ATXN2: variants seen among roughly 807,000 people sequenced by gnomAD.
ATXN2 encodes the protein ataxin-2.
A neutral mutation model predicts 138.6 loss-of-function variants in ATXN2; 37 were observed. The ratio of observed to expected loss-of-function variants is 0.27; its 90% CI spans 0.21 to 0.35. The LOEUF (loss-of-function observed/expected upper bound fraction) is 0.35, where lower values mean the gene tolerates loss of function less well. ATXN2 is among the 10% of genes least tolerant of loss of function. The pLI, the probability that ATXN2 is intolerant of heterozygous loss-of-function variation, is 1.00. For synonymous variants in ATXN2, 549 were observed against 543.7 expected, an observed-to-expected ratio of 1.01 and a Z score of -0.13; for missense variants, 1,216 against 1,480.3, an observed-to-expected ratio of 0.82 and a Z score of 2.93.
chr12:111,553,952 C>T (rs992954244), intron 3 of ATXN2, among the ~76,000 whole-genome samples: 2 of 151,924 alleles, frequency 1.3e-5, no homozygotes, highest in Non-Finnish European at 2.9e-5. Context: ...GAATATGGAA[C>T]CCACAGATGC....
intron 1 of ATXN2, among the ~76,000 whole-genome samples, chr12:111,563,885 T>C (rs186603286): frequency 1.3e-5 from 2 of 152,194 alleles, no homozygotes; most frequent in Non-Finnish European, 2.9e-5. Context: ...AAATATACGA[T>C]GCTGTTTTCA....
intron 5 of ATXN2, among the ~76,000 whole-genome samples, chr12:111,527,628 C>A: frequency 6.6e-6 from 1 of 152,330 alleles, no homozygotes. Context: ...AGCAGCACTA[C>A]TCCCATTGCT....
chr12:111,527,910 C>T (rs1388556657), intron 5 of ATXN2, among the ~76,000 whole-genome samples: 1 of 152,110 alleles, frequency 6.6e-6, no homozygotes, highest in Non-Finnish European at 1.5e-5. Flanking sequence ...ATTAATTTAG[C>T]CATGTGTATT....
chr12:111,513,684 AC>A (rs1414539887), intron 10 of ATXN2, 145 bp from the exon 11 acceptor site: 3 of 645,082 alleles, frequency 4.7e-6, no homozygotes, highest in Non-Finnish European at 6.8e-6. Flanking sequence ...AAAAAAAAAA[AC>A]ACCATACATA....
chr12:111,593,053 T>C (rs1236110052), intron 1 of ATXN2, among the ~76,000 whole-genome samples: 1 of 151,938 alleles, frequency 6.6e-6, no homozygotes, highest in Admixed American at 6.6e-5. Context: ...TGTAGCTATT[T>C]AGGACAAAAA....
chr12:111,577,891 C>T (rs1027569063), intron 1 of ATXN2, among the ~76,000 whole-genome samples: 2 of 151,726 alleles, frequency 1.3e-5, no homozygotes, highest in African/African-American at 4.8e-5. Context: ...ACGCCCTGGG[C>T]AATACAGCAA....
intron 1 of ATXN2, among the ~76,000 whole-genome samples, chr12:111,584,180 A>C (rs1338638721): frequency 2.6e-5 from 4 of 151,740 alleles, no homozygotes. Flanking sequence ...TCCAGAGTTC[A>C]AGACTAGCCT....
rs755104103 is a variant in ATXN2 at position 111,456,037 on chromosome 12, C to T, written c.3262G>A (p.Val1088Ile). 21 of 1,613,930 alleles carry T rather than the reference C, an allele frequency of 1.3e-5. No individual in the cohort carries two copies. The highest frequency in any genetic ancestry group is 4.5e-5 in the East Asian group (2 of 44,898). Residue 1088 changes from valine (V) to isoleucine (I), a missense_variant, in exon 23 of 25, where the codon GTA becomes ATA. Coordinates refer to ENST00000673436, the MANE Select transcript of ATXN2 (RefSeq NM_001372574.1). ...AYTNPPHMAHVPQAHVQSGMV... is the reference protein window; with the variant it reads ...AYTNPPHMAHIPQAHVQSGMV... ...GCTAAAGCTGGTATTACCTGAGGTACGTGGGCCATGTGGGGTGGGTTGGTA... is the reference window on the plus strand; with the variant it reads ...GCTAAAGCTGGTATTACCTGAGGTATGTGGGCCATGTGGGGTGGGTTGGTA...
At chr12:111,457,507 TC>T in intron 21 of ATXN2, 148 bp from the exon 22 acceptor site, 1 of 864,950 alleles carries the variant, frequency 1.2e-6, no homozygotes, top group Non-Finnish European at 1.7e-6. Flanking sequence ...ATTTAAACCA[TC>T]CATTGTCTTG....
intron 5 of ATXN2, among the ~76,000 whole-genome samples, chr12:111,551,534 C>T (rs1214606326): frequency 6.6e-6 from 1 of 152,144 alleles, no homozygotes. Flanking sequence ...TCTACTTCTT[C>T]ACCCTTTTTC....
At chr12:111,567,836 T>G (rs1883099194) in intron 1 of ATXN2, among the ~76,000 whole-genome samples, 1 of 152,140 alleles carries the variant, frequency 6.6e-6, no homozygotes, top group African/African-American at 2.4e-5. Context: ...CATTTTCGTA[T>G]GTTTGTCTGT....
Position 111,510,010 on chromosome 12 carries a change from T to G in ATXN2, c.1757-12A>C, listed in dbSNP as rs750776802. ...CCTGGAATCTTTAGCTAGAAAACAA[T>G]TTTTTAAAAAAAATTCAGATAAGTT... On this transcript the variant is annotated splice_polypyrimidine_tract_variant and intron_variant, in intron 12 of 24. Transcript: ENST00000673436. 1 of 1,559,134 alleles carries G rather than the reference T, an allele frequency of 6.4e-7. No individual in the cohort carries two copies. The highest frequency in any genetic ancestry group is 1.4e-5 in the African/African-American group (1 of 72,606).
At chr12:111,495,151 C>A (rs1203344412) in intron 14 of ATXN2, among the ~76,000 whole-genome samples, 1 of 151,826 alleles carries the variant, frequency 6.6e-6, no homozygotes, top group Non-Finnish European at 1.5e-5. Context: ...ACTGAAAATA[C>A]AAAAAATTTA....
Position 111,516,207 on chromosome 12 carries a change from G to A in ATXN2, c.1322C>T (p.Ala441Val). ...RPSRPPSHPS[A>V]HGSPAPVSTM... The stretch of plus-strand genomic sequence containing the variant: ...AGAGACAGGAGCTGGAGAACCATGA[G>A]CAGAGGGGTGAGACGGGGGTCTGGA... The change falls in exon 10 of 25, where the codon GCT becomes GTT. Residue 441 changes from alanine to valine, a missense_variant. This residue lies in a region of ATXN2 where 401 missense variants were observed against 528.1 expected (regional missense o/e 0.76). Transcript: ENST00000673436. This position sits in a 1 kb window ranked among gnomAD's most constrained non-coding sequence, Gnocchi z 5.0. 6 of 1,582,136 alleles carry A rather than the reference G, an allele frequency of 3.8e-6. No individual in the cohort carries two copies. Among genetic ancestry groups the A allele is most frequent in the Non-Finnish European group, 5.1e-6 (6 of 1,169,940 alleles).
At chr12:111,479,301 C>A (rs559095370) in intron 18 of ATXN2, among the ~76,000 whole-genome samples, 261 of 150,140 alleles carry the variant, frequency 1.7e-3, no homozygotes, top group Non-Finnish European at 3.1e-3. Flanking sequence ...ACCTGTAATC[C>A]CAGCACTTTG....
At position 111,509,585 on chromosome 12, in the gene ATXN2, C is replaced by A; in HGVS notation, c.1899G>T (p.Gln633His). The A allele has an allele frequency of 6.7e-7, 1 of 1,489,958 alleles. No homozygotes were observed. Among genetic ancestry groups the A allele is most frequent in the South Asian group, 1.2e-5 (1 of 84,630 alleles). 92.3% of individuals were successfully genotyped at this position (1,489,958 alleles called of 1,614,324 possible). The change falls in exon 14 of 25, where the codon CAG (glutamine) becomes CAT (histidine). Residue 633 changes from glutamine (Q) to histidine (H), a missense_variant. By Grantham distance (24) the Gln-to-His change is conservative. This residue lies in a region of ATXN2 where 215 missense variants were observed against 210.0 expected (regional missense o/e 1.02). Transcript: ENST00000673436. ...TCTTAAATTTCTTTAAATCATCAAT[C>A]TGTTTTCTATGTTCAGAAACAACTG... ...ISPVVSEHRK[Q>H]IDDLKKFKND...
intron 14 of ATXN2, among the ~76,000 whole-genome samples, chr12:111,493,567 AACT>A (rs1878192746): frequency 6.6e-6 from 1 of 152,180 alleles, no homozygotes; most frequent in Non-Finnish European, 1.5e-5. Flanking sequence ...GTGGTGTATA[AACT>A]ACTACTCATA....
intron 20 of ATXN2, chr12:111,469,758 T>C (rs1175656278): frequency 3.2e-6 from 1 of 312,064 alleles, no homozygotes; most frequent in African/African-American, 2.1e-5. Flanking sequence ...ACCTTTATGC[T>C]TTTATTATTA....
At position 111,453,345 on chromosome 12, in the gene ATXN2, G is replaced by A. The variant is rs1874814396; in HGVS notation, c.3439+332C>T. ...ATAACCCCCCACATGTCAGACTTTT[G>A]GGACTCAGGAAGGAAAACACTGCCC... On this transcript the variant is annotated intron_variant, in intron 24 of 24. Transcript: ENST00000673436. The surrounding 1 kb of genome is among the most constrained non-coding windows in gnomAD (Gnocchi z 5.4). The A allele has an allele frequency of 8.2e-6, 9 of 1,097,572 alleles. No individual in the cohort carries two copies. The highest frequency in any genetic ancestry group is 1.0e-5 in the Non-Finnish European group (9 of 902,556). 68.0% of individuals were successfully genotyped at this position (1,097,572 alleles called of 1,614,324 possible). A position where few individuals can be genotyped will look rare whatever the true frequency, so the allele number is the denominator to read the frequency against.
Sources: allele counts gnomAD v4.1 joint callset (sites outside exome capture counted in the v4.1 genomes callset), GRCh38; gene constraint gnomAD v4.1.1; regional missense constraint gnomAD v4.1.1; non-coding constraint Gnocchi (gnomAD v3.1); transcripts MANE v1.5; gene names NCBI Gene and HGNC (gene_info 2026-07-23, HGNC 2026-07-21).